CACNA1B: variants seen among roughly 807,000 people sequenced by gnomAD.
CACNA1B encodes the protein calcium voltage-gated channel subunit alpha1 B, also known as voltage-dependent N-type calcium channel subunit alpha-1B.
In CACNA1B, 70 loss-of-function variants were observed where a neutral mutation model predicts 247.2. The ratio of observed to expected loss-of-function variants is 0.28; its 90% confidence interval spans 0.23 to 0.35. CACNA1B has a LOEUF of 0.35. CACNA1B is among the 10% of genes least tolerant of loss of function. The pLI, the probability that CACNA1B is intolerant of heterozygous loss-of-function variation, is 1.00. For synonymous variants in CACNA1B, 1,231 were observed against 1,294.4 expected (o/e 0.95, Z 1.05); for missense variants, 2,367 against 3,197.4 (o/e 0.74, Z 6.26).
rs1157841687 is a variant in CACNA1B at position 137,948,503 on chromosome 9, C to CT, written c.967-3762dup. Among the ~76,000 whole-genome samples, 357 of 151,218 alleles carry CT rather than the reference C, an allele frequency of 2.4e-3. 4 individuals are homozygous for CT. The highest frequency in any genetic ancestry group is 8.1e-3 in the African/African-American group (334 of 41,232). On this transcript the variant is annotated intron_variant, in intron 6 of 46. Coordinates refer to ENST00000371372, the MANE Select transcript of CACNA1B (RefSeq NM_000718.4). ...TATGCATTTTCATTGAGATTTTCGACTTTTTTTTTAGCTCTAAATTTTCCC... is the reference window on the plus strand; with the variant it reads ...TATGCATTTTCATTGAGATTTTCGACTTTTTTTTTTAGCTCTAAATTTTCCC...
chr9:138,056,755 T>C (rs1959513770), intron 26 of CACNA1B, among the ~76,000 whole-genome samples: 1 of 152,168 alleles, frequency 6.6e-6, no homozygotes, highest in East Asian at 1.9e-4. Flanking sequence ...CTTTTTAGTT[T>C]TGGTATTTTT....
At chr9:138,035,302 T>G (rs993307728) in intron 20 of CACNA1B, among the ~76,000 whole-genome samples, 1 of 152,016 alleles carries the variant, frequency 6.6e-6, no homozygotes, top group Non-Finnish European at 1.5e-5. Flanking sequence ...CTACTAAAAG[T>G]ACAAAAATTA....
chr9:138,074,874 C>T (rs929184440), intron 34 of CACNA1B, among the ~76,000 whole-genome samples: 1 of 152,192 alleles, frequency 6.6e-6, no homozygotes, highest in Non-Finnish European at 1.5e-5. Context: ...TGACCCGCGG[C>T]GGGGGTTACA....
chr9:138,047,168 G>T (rs767118321), intron 22 of CACNA1B, 135 bp downstream of exon 22: 1 of 870,270 alleles, frequency 1.1e-6, no homozygotes, highest in Non-Finnish European at 1.8e-6. Flanking sequence ...CTGTCTGTGT[G>T]CCTGGCAGTG....
In CACNA1B at chr9:137,888,692, G is replaced by C. The variant is rs1392765270; in HGVS notation, c.530+5809G>C. ...TGAAGAGAGGGTGTGTGGGTGTGTG[G>C]CCGCTGCACCAGGAGGGAGTCTGGT... On this transcript the variant is annotated intron_variant, in intron 3 of 46. Transcript: ENST00000371372. This position sits in a 1 kb window ranked among gnomAD's most constrained non-coding sequence, Gnocchi z 4.7. Among the ~76,000 whole-genome samples, 1 of 152,206 alleles carries C rather than the reference G, an allele frequency of 6.6e-6. No homozygotes were observed. Among genetic ancestry groups the C allele is most frequent in the Non-Finnish European group, 1.5e-5 (1 of 68,032 alleles).
In CACNA1B at chr9:137,888,332, C is replaced by A. The variant is rs1312498093; in HGVS notation, c.530+5449C>A. On this transcript the variant is annotated intron_variant, in intron 3 of 46. Transcript: ENST00000371372. The surrounding 1 kb of genome is among the most constrained non-coding windows in gnomAD (Gnocchi z 4.7). Reference sequence around the variant, plus strand: ...GTGCATCCACGCTCCCAGTCCTGTCCCCACGTCACTGCCTCTGCCCTCCCG... The same window carrying A: ...GTGCATCCACGCTCCCAGTCCTGTCACCACGTCACTGCCTCTGCCCTCCCG... Among the ~76,000 whole-genome samples, 5 of 151,928 alleles carry A rather than the reference C, an allele frequency of 3.3e-5. No homozygotes were observed. In the East Asian group the frequency reaches 5.8e-4, roughly 18 times the overall value.
chr9:138,035,173 C>T (rs1316993523), intron 20 of CACNA1B, among the ~76,000 whole-genome samples: 1 of 152,118 alleles, frequency 6.6e-6, no homozygotes, highest in African/African-American at 2.4e-5. Flanking sequence ...AAAAGATGAC[C>T]GCTGGCCGGG....
At chr9:138,022,778 T>C (rs1958861657) in intron 18 of CACNA1B, among the ~76,000 whole-genome samples, 1 of 143,096 alleles carries the variant, frequency 7.0e-6, no homozygotes, top group Non-Finnish European at 1.5e-5. Flanking sequence ...GCTGGTGCTT[T>C]CACCTTGCGG....
chr9:137,899,261 AT>A lies in CACNA1B; in HGVS notation c.531-13908del, dbSNP rs987707138. Among the ~76,000 whole-genome samples, 267 of 140,006 alleles carry A rather than the reference AT, an allele frequency of 1.9e-3. 1 individual carries two copies. Among genetic ancestry groups the A allele is most frequent in the Admixed American group, 5.2e-3 (73 of 14,102 alleles). The allele number at this position is 140,006 out of a possible 152,430, so 91.8% of individuals were successfully genotyped here. A position where few individuals can be genotyped will look rare whatever the true frequency, so the allele number is the denominator to read the frequency against. On this transcript the variant is annotated intron_variant, in intron 3 of 46. Transcript: ENST00000371372. This position sits in a 1 kb window ranked among gnomAD's most constrained non-coding sequence, Gnocchi z 5.0. Reference sequence around the variant, plus strand: ...TCCACCATGCCAGGCTAATTTTTGTATTTTTTTTTTTAGTAGAGGTGGGGTT... The same window carrying A: ...TCCACCATGCCAGGCTAATTTTTGTATTTTTTTTTTAGTAGAGGTGGGGTT...
intron 15 of CACNA1B, among the ~76,000 whole-genome samples, chr9:137,996,081 A>G (rs1328447320): frequency 6.6e-6 from 1 of 152,236 alleles, no homozygotes; most frequent in East Asian, 1.9e-4. Context: ...TACAACCACT[A>G]TGGAAAACAT....
Position 138,024,798 on chromosome 9 carries a change from C to T in CACNA1B, c.3069-157C>T, listed in dbSNP as rs1002243153. ...TACATGCACGTGTCACCACGCCCAG[C>T]TAATTTTTTAATTTTTGTAGAGATG... On this transcript the variant is annotated intron_variant, in intron 19 of 46. Coordinates refer to ENST00000371372, the MANE Select transcript of CACNA1B (RefSeq NM_000718.4). Among the ~76,000 whole-genome samples the T allele has an allele frequency of 7.9e-5, 12 of 152,248 alleles. No individual in the cohort carries two copies. The East Asian group carries it at 1.9e-3, about 24-fold the overall frequency.
intron 36 of CACNA1B, among the ~76,000 whole-genome samples, chr9:138,087,197 C>G (rs1960719610): frequency 6.7e-6 from 1 of 149,010 alleles, no homozygotes; most frequent in Non-Finnish European, 1.5e-5. Context: ...ACCAGCCTGG[C>G]TAACATGGTG....
At chr9:137,923,922 C>A (rs1373519928) in intron 6 of CACNA1B, among the ~76,000 whole-genome samples, 1 of 152,178 alleles carries the variant, frequency 6.6e-6, no homozygotes, top group Non-Finnish European at 1.5e-5. Context: ...GACTTATTTG[C>A]CATCTGTGTA....
In CACNA1B at chr9:137,913,138, T is replaced by C; in HGVS notation, c.531-42T>C. ...GGAGTGTGTCCTCTTCCAGGCTCAA[T>C]GTGGAAACCTTTACTTCCCTTCTTC... On this transcript the variant is annotated intron_variant, in intron 3 of 46. Coordinates refer to ENST00000371372, the MANE Select transcript of CACNA1B (RefSeq NM_000718.4). This position sits in a 1 kb window ranked among gnomAD's most constrained non-coding sequence, Gnocchi z 5.2. 1 of 1,517,758 alleles carries C rather than the reference T, an allele frequency of 6.6e-7. No homozygotes were observed. 94.0% of individuals were successfully genotyped at this position (1,517,758 alleles called of 1,614,324 possible). A position where few individuals can be genotyped will look rare whatever the true frequency, so the allele number is the denominator to read the frequency against.
intron 6 of CACNA1B, among the ~76,000 whole-genome samples, chr9:137,939,436 G>T (rs933667120): frequency 3.3e-5 from 5 of 152,016 alleles, no homozygotes; most frequent in Admixed American, 6.6e-5. Flanking sequence ...GCAAATACAT[G>T]GAAATTAAAT....
rs761592228 is a variant in CACNA1B at position 138,112,377 on chromosome 9, C to T, written c.5429-21C>T. 11 of 1,575,760 alleles carry T rather than the reference C, an allele frequency of 7.0e-6. No homozygotes were observed. The African/African-American group carries it at 1.2e-4, about 17-fold the overall frequency. ...CTAACATCTCTGTCTTTTCCCCTTC[C>T]CCACCATCATCCTGGTGCAGCTGGG... On this transcript the variant is annotated intron_variant, in intron 39 of 46. Transcript: ENST00000371372.
rs772835377 is a variant in CACNA1B, at chr9:138,057,756, G to A, written c.3993G>A (p.Lys1331=). 3 of 1,612,480 alleles carry A rather than the reference G, an allele frequency of 1.9e-6. No homozygotes were observed. Among genetic ancestry groups the A allele is most frequent in the Non-Finnish European group, 1.7e-6 (2 of 1,179,100 alleles). ...DCRGQYLDYE[K]EEVEAQPRQW... ...GGGGTCAGTATTTGGATTATGAGAA[G>A]GAGGAAGTGGAAGCTCAGCCCAGGC... Residue 1331 remains lysine, a synonymous_variant, in exon 27 of 47, where the codon AAG becomes AAA. Coordinates refer to ENST00000371372, the MANE Select transcript of CACNA1B (RefSeq NM_000718.4). This position sits in a 1 kb window ranked among gnomAD's most constrained non-coding sequence, Gnocchi z 4.0.
At chr9:137,922,299 G>A (rs1564190751) in intron 6 of CACNA1B, among the ~76,000 whole-genome samples, 1 of 151,174 alleles carries the variant, frequency 6.6e-6, no homozygotes, top group Non-Finnish European at 1.5e-5. Context: ...CATCCTGGGA[G>A]CAGAATAAAG....
chr9:138,120,595 G>A, intron 45 of CACNA1B, 36 bp from the exon 46 acceptor site: 1 of 1,471,960 alleles, frequency 6.8e-7, no homozygotes, highest in Non-Finnish European at 9.0e-7. Flanking sequence ...CCTGCCTTGG[G>A]CCTGGCCGTG....
Sources: allele counts gnomAD v4.1 joint callset (sites outside exome capture counted in the v4.1 genomes callset), GRCh38; gene constraint gnomAD v4.1.1; non-coding constraint Gnocchi (gnomAD v3.1); transcripts MANE v1.5; gene names NCBI Gene and HGNC (gene_info 2026-07-23, HGNC 2026-07-21).